Variants in DCC observed in about 807,000 individuals in gnomAD.
DCC encodes the protein DCC netrin 1 receptor, also known as netrin receptor DCC.
A neutral mutation model predicts 172.5 loss-of-function variants in DCC; 58 were observed. That is an observed-to-expected ratio of 0.34 (90% CI 0.27 to 0.42). The LOEUF (loss-of-function observed/expected upper bound fraction) is 0.42. Among genes scored for constraint, DCC ranks in the 10% least tolerant of loss-of-function variants. DCC has a pLI of 1.00. For missense variants in DCC, 1,740 were observed against 1,791.0 expected, an observed-to-expected ratio of 0.97 and a Z score of 0.51; for synonymous variants, 709 against 644.5, an observed-to-expected ratio of 1.10 and a Z score of -1.52.
chr18:53,239,055 G>T (rs983354482), intron 12 of DCC, among the ~76,000 whole-genome samples: 1 of 130,510 alleles, frequency 7.7e-6, no homozygotes, highest in Non-Finnish European at 1.6e-5. Flanking sequence ...GGAGTGGGGG[G>T]AGGGGGGAGG....
At chr18:52,526,654 G>A (rs1259756253) in intron 1 of DCC, among the ~76,000 whole-genome samples, 2 of 152,062 alleles carry the variant, frequency 1.3e-5, no homozygotes, top group South Asian at 4.1e-4. Flanking sequence ...GAGGTAATTT[G>A]TGTGAACATG....
intron 1 of DCC, among the ~76,000 whole-genome samples, chr18:52,673,868 G>A (rs900850142): frequency 6.6e-6 from 1 of 152,156 alleles, no homozygotes; most frequent in Admixed American, 6.5e-5. Context: ...AGTTGGTAGT[G>A]CCTCCACTAG....
At chr18:53,040,722 T>A (rs182291371) in intron 5 of DCC, among the ~76,000 whole-genome samples, 10 of 151,998 alleles carry the variant, frequency 6.6e-5, no homozygotes, top group African/African-American at 2.2e-4. Context: ...AATAAGTACT[T>A]GAGTAGCTTT....
intron 1 of DCC, among the ~76,000 whole-genome samples, chr18:52,618,463 G>C (rs1390135284): frequency 6.6e-6 from 1 of 152,116 alleles, no homozygotes; most frequent in Admixed American, 6.5e-5. Flanking sequence ...TTGGTCCCTA[G>C]CTGTCTCTGG....
At chr18:53,005,003 G>C (rs950609713) in intron 5 of DCC, among the ~76,000 whole-genome samples, 2 of 152,106 alleles carry the variant, frequency 1.3e-5, no homozygotes, top group Non-Finnish European at 2.9e-5. Context: ...GACTAGGTTT[G>C]TTATAACAGT....
intron 5 of DCC, among the ~76,000 whole-genome samples, chr18:52,989,309 G>A (rs1424273980): frequency 6.6e-6 from 1 of 152,114 alleles, no homozygotes; most frequent in African/African-American, 2.4e-5. Context: ...GTTCACTTGA[G>A]GTCAGGAGTT....
At chr18:52,995,718 C>T (rs58239872) in intron 5 of DCC, among the ~76,000 whole-genome samples, 2,894 of 151,934 alleles carry the variant, frequency 0.019, 89 homozygotes, top group African/African-American at 0.066. Flanking sequence ...TATTTACTAT[C>T]GTAAATTCCA....
At chr18:53,410,905 A>G (rs1909943733) in intron 20 of DCC, among the ~76,000 whole-genome samples, 1 of 152,172 alleles carries the variant, frequency 6.6e-6, no homozygotes, top group Admixed American at 6.6e-5. Flanking sequence ...TGTCATGTAT[A>G]TTGGTTCTAT....
intron 15 of DCC, among the ~76,000 whole-genome samples, chr18:53,348,878 C>G (rs1261118602): frequency 6.6e-6 from 1 of 152,202 alleles, no homozygotes; most frequent in Non-Finnish European, 1.5e-5. Flanking sequence ...ACTTTTTCCT[C>G]TGAGGCATCC....
intron 7 of DCC, among the ~76,000 whole-genome samples, chr18:53,117,336 C>G (rs2043422922): frequency 6.6e-6 from 1 of 151,702 alleles, no homozygotes; most frequent in African/African-American, 2.4e-5. Context: ...TTGCTTCAAA[C>G]TAAAACTGCT....
chr18:53,108,186 C>CAG (rs999427716), intron 7 of DCC, among the ~76,000 whole-genome samples: 3 of 151,412 alleles, frequency 2.0e-5, no homozygotes, highest in African/African-American at 7.3e-5. Context: ...CAGAAAAACA[C>CAG]ACACACACAA....
At chr18:52,877,905 A>G (rs111973551) in intron 2 of DCC, among the ~76,000 whole-genome samples, 2,345 of 152,176 alleles carry the variant, frequency 0.015, 54 homozygotes, top group African/African-American at 0.051. Context: ...ACCAAGTAGC[A>G]CTTAAAGCTA....
At chr18:53,243,298 C>G (rs2056326162) in intron 12 of DCC, among the ~76,000 whole-genome samples, 1 of 152,080 alleles carries the variant, frequency 6.6e-6, no homozygotes, top group Non-Finnish European at 1.5e-5. Context: ...TGTAGCACAG[C>G]TGGGAAGACA....
At chr18:52,800,676 C>T (rs1484604086) in intron 2 of DCC, among the ~76,000 whole-genome samples, 1 of 152,118 alleles carries the variant, frequency 6.6e-6, no homozygotes, top group Non-Finnish European at 1.5e-5. Flanking sequence ...TCATAAGTAG[C>T]AAAATGTACA....
intron 12 of DCC, among the ~76,000 whole-genome samples, chr18:53,240,924 T>A (rs1325144467): frequency 2.6e-5 from 4 of 152,218 alleles, no homozygotes; most frequent in Admixed American, 6.5e-5. Context: ...TTGCATATTG[T>A]TTAAATGCAT....
intron 27 of DCC, among the ~76,000 whole-genome samples, chr18:53,504,143 C>T (rs2046139958): frequency 6.6e-6 from 1 of 152,154 alleles, no homozygotes; most frequent in South Asian, 2.1e-4. Flanking sequence ...GTAACCTGAT[C>T]TTTTTGGCAG....
intron 1 of DCC, among the ~76,000 whole-genome samples, chr18:52,750,220 G>A (rs2145129589): frequency 6.6e-6 from 1 of 152,246 alleles, no homozygotes; most frequent in East Asian, 1.9e-4. Context: ...TGCAGATGAA[G>A]GAACTGAGTT....
chr18:52,669,839 G>C (rs138876604), intron 1 of DCC, among the ~76,000 whole-genome samples: 1 of 151,642 alleles, frequency 6.6e-6, no homozygotes, highest in Non-Finnish European at 1.5e-5. Context: ...AAGGAGAAGC[G>C]TTTGAAAAAA....
In DCC at chr18:52,752,119, C is replaced by A. The variant is rs749558240; in HGVS notation, c.157C>A (p.Arg53=). 1 of 1,613,948 alleles carries A rather than the reference C, an allele frequency of 6.2e-7. No homozygotes were observed. Among genetic ancestry groups the A allele is most frequent in the Admixed American group, 1.7e-5 (1 of 60,000 alleles). ...LSEPSDAVTM[R]GGNVLLDCSA... is the part of the protein sequence containing the mutation. ...AGAACCTTCTGATGCCGTCACAATGCGGGGAGGAAATGTCCTCCTCGACTG... is the reference window on the plus strand; with the variant it reads ...AGAACCTTCTGATGCCGTCACAATGAGGGGAGGAAATGTCCTCCTCGACTG... Residue 53 remains arginine, a synonymous_variant, in exon 2 of 29, where the codon CGG becomes AGG. Transcript: ENST00000442544.
Sources: gnomAD v4.1 joint callset for allele counts (sites outside exome capture counted in the v4.1 genomes callset) on GRCh38, gnomAD v4.1.1 for gene constraint, MANE v1.5 for transcripts, NCBI Gene and HGNC (gene_info 2026-07-23, HGNC 2026-07-21) for gene names.